The following PHRF1 variants were observed in gnomAD, a reference collection of about 807,000 sequenced individuals.
PHRF1 encodes PHD and ring finger domains 1.
A neutral mutation model predicts 128.9 loss-of-function variants in PHRF1; 53 were observed. The ratio of observed to expected loss-of-function variants is 0.41; its 90% CI spans 0.33 to 0.52. PHRF1 has a LOEUF of 0.52. Ranked by LOEUF, PHRF1 falls within the 20% of genes least tolerant of loss-of-function variation. The probability of loss-of-function intolerance (pLI) is 0.21; values close to 1 mark genes in which losing one functional copy is unlikely to be tolerated. For synonymous variants in PHRF1, 1,178 were observed against 980.6 expected, an observed-to-expected ratio of 1.20 and a Z score of -3.76; for missense variants, 2,503 against 2,284.5, an observed-to-expected ratio of 1.10 and a Z score of -1.95.
chr11:595,188 T>C (rs1386081981), intron 6 of PHRF1, among the ~76,000 whole-genome samples: 1 of 152,160 alleles, frequency 6.6e-6, no homozygotes, highest in Non-Finnish European at 1.5e-5. Flanking sequence ...CCGGGCGTGG[T>C]GGTTCACACC....
rs1384361969 is a variant in PHRF1 at position 606,971 on chromosome 11, G to A, written c.1610-95G>A. Reference sequence around the variant, plus strand: ...AGGCAGACAGGAGTTTAAAGCGCACGACCTCACAGAAAACCAGTTGTGATA... The same window carrying A: ...AGGCAGACAGGAGTTTAAAGCGCACAACCTCACAGAAAACCAGTTGTGATA... On this transcript the variant is annotated intron_variant, in intron 13 of 17. Coordinates refer to ENST00000264555, the MANE Select transcript of PHRF1 (RefSeq NM_001286581.2). 5.3e-6 allele frequency: 8 copies of A among 1,502,592 alleles called. No homozygotes were observed. The African/African-American group carries it at 5.6e-5, about 11-fold the overall frequency. 93.1% of individuals were successfully genotyped at this position (1,502,592 alleles called of 1,614,324 possible). A position where few individuals can be genotyped will look rare whatever the true frequency, so the allele number is the denominator to read the frequency against.
rs377699361 is a variant in PHRF1, at chr11:601,609, C to T, written c.1060C>T (p.Pro354Ser). 23 of 1,613,678 alleles carry T rather than the reference C, an allele frequency of 1.4e-5. No individual in the cohort carries two copies. The highest frequency in any genetic ancestry group is 1.9e-5 in the Non-Finnish European group (23 of 1,179,866). The change falls in exon 10 of 18, where the codon CCG (proline) becomes TCG (serine). Residue 354 changes from proline (P) to serine (S), a missense_variant. By Grantham distance (74) the Pro-to-Ser change is moderately conservative. Coordinates refer to ENST00000264555, the MANE Select transcript of PHRF1 (RefSeq NM_001286581.2). The part of the protein sequence containing the change: ...RKKVPGRKKT[P>S]SGPSAKSKSS... The stretch of plus-strand genomic sequence containing the variant: ...GAAAGTGCCGGGAAGAAAGAAAACC[C>T]CGTCCGGACCATCCGCAAAAAGTAA...
At chr11:603,734 T>TTG (rs1368841176) in intron 10 of PHRF1, among the ~76,000 whole-genome samples, 4 of 143,312 alleles carry the variant, frequency 2.8e-5, no homozygotes, top group African/African-American at 1.0e-4. Context: ...AGTTTGTTTT[T>TTG]TTTTTTTTTT....
chr11:577,163 G>T (rs1213821287), intron 1 of PHRF1, among the ~76,000 whole-genome samples: 1 of 152,160 alleles, frequency 6.6e-6, no homozygotes, highest in Non-Finnish European at 1.5e-5. Context: ...CTTAACTCTT[G>T]CAGTCCTCAC....
chr11:594,913 A>G (rs1256558407), intron 6 of PHRF1, among the ~76,000 whole-genome samples: 1 of 152,230 alleles, frequency 6.6e-6, no homozygotes, highest in African/African-American at 2.4e-5. Flanking sequence ...GCAAGTACAT[A>G]AAAACCCTGG....
intron 1 of PHRF1, among the ~76,000 whole-genome samples, chr11:579,354 C>T (rs114206266): frequency 0.034 from 5,229 of 152,154 alleles, 123 homozygotes; most frequent in South Asian, 0.091. Flanking sequence ...AGATATGTTT[C>T]TCCAGGGCAG....
chr11:611,583 C>G, intron 17 of PHRF1, 51 bp from the exon 18 acceptor site: 2 of 1,610,384 alleles, frequency 1.2e-6, no homozygotes, highest in Non-Finnish European at 1.7e-6. Context: ...GGCTCTGGCC[C>G]GGAACATCTG....
At chr11:600,100 C>T (rs1469901557) in intron 9 of PHRF1, among the ~76,000 whole-genome samples, 11 of 151,974 alleles carry the variant, frequency 7.2e-5, no homozygotes, top group African/African-American at 2.7e-4. Context: ...CTCGGCCTCC[C>T]AAAGTGCTGG....
chr11:592,534 G>A (rs949645378), intron 5 of PHRF1, 25 bp from the exon 6 acceptor site: 2 of 1,608,382 alleles, frequency 1.2e-6, no homozygotes, highest in East Asian at 2.2e-5. Context: ...GTCCTGTGTG[G>A]TGGTGACCGA....
At position 597,158 on chromosome 11, in the gene PHRF1, CGGG is replaced by C; in HGVS notation, c.718+139_718+141del. On this transcript the variant is annotated intron_variant, in intron 7 of 17. Transcript: ENST00000264555. This position sits in a 1 kb window ranked among gnomAD's most constrained non-coding sequence, Gnocchi z 6.5. ...TGGGGGTTAGGGTTGGCTGCGGTGT[CGGG>C]AGGACATCTAGGGCTGTCTCGGGCT... 1 of 1,018,000 alleles carries C rather than the reference CGGG, an allele frequency of 9.8e-7. No homozygotes were observed. Among genetic ancestry groups the C allele is most frequent in the Admixed American group, 2.3e-5 (1 of 43,176 alleles). The allele number at this position is 1,018,000 out of a possible 1,614,324, so 63.1% of individuals were successfully genotyped here.
chr11:596,840 C>T, intron 6 of PHRF1, 83 bp from the exon 7 acceptor site: 2 of 1,263,154 alleles, frequency 1.6e-6, no homozygotes, highest in South Asian at 1.2e-5. Context: ...CATCGGAGGC[C>T]TGCTTTGTGG....
At position 611,485 on chromosome 11, in the gene PHRF1, G is replaced by A. The variant is rs1047689331; in HGVS notation, c.4807-149G>A. The stretch of plus-strand genomic sequence containing the variant: ...AACAGGACGGGGGTCTCACATAGGT[G>A]GGGCGGCCTCTGCCGCCGTCTGTCT... On this transcript the variant is annotated intron_variant, in intron 17 of 17. Transcript: ENST00000264555. 5 of 1,090,952 alleles carry A rather than the reference G, an allele frequency of 4.6e-6. No homozygotes were observed. The Admixed American group carries it at 1.0e-4, about 23-fold the overall frequency. The allele number at this position is 1,090,952 out of a possible 1,614,324, so 67.6% of individuals were successfully genotyped here.
intron 1 of PHRF1, among the ~76,000 whole-genome samples, chr11:580,301 AAGG>A (rs1374692562): frequency 1.3e-5 from 2 of 152,166 alleles, no homozygotes; most frequent in Admixed American, 6.5e-5. Flanking sequence ...CCTGGTGTGG[AAGG>A]AGGAGCGTGT....
intron 2 of PHRF1, 91 bp downstream of exon 2, chr11:581,697 C>T (rs1854213349): frequency 4.0e-6 from 5 of 1,248,352 alleles, no homozygotes; most frequent in Non-Finnish European, 5.5e-6. Flanking sequence ...TGTCACTTGT[C>T]AACTTTCAGT....
Position 581,544 on chromosome 11 carries a change from C to T in PHRF1, c.32C>T (p.Ala11Val), listed in dbSNP as rs367751800. MDDDSLDELV[A>V]RSPGPDGHPQ... ...GACGACAGCCTGGATGAGCTTGTGG[C>T]CCGGAGCCCAGGGCCGGATGGACAC... The change falls in exon 2 of 18, where the codon GCC becomes GTC. Residue 11 changes from alanine to valine, a missense_variant. Transcript: ENST00000264555. 2 of 1,613,580 alleles carry T rather than the reference C, an allele frequency of 1.2e-6. No individual in the cohort carries two copies. The highest frequency in any genetic ancestry group is 1.7e-6 in the Non-Finnish European group (2 of 1,179,878).
chr11:601,428 CAAA>C lies in PHRF1; in HGVS notation c.1025-130_1025-128del, dbSNP rs59861558. On this transcript the variant is annotated intron_variant, in intron 9 of 17. Coordinates refer to ENST00000264555, the MANE Select transcript of PHRF1 (RefSeq NM_001286581.2). ...TGGGTGACAGGGCAAGATCCTGTCTCAAAAAAAAAAAAAAAAAATTGCAAGCCG... is the reference window on the plus strand; with the variant it reads ...TGGGTGACAGGGCAAGATCCTGTCTCAAAAAAAAAAAAAAATTGCAAGCCG... 8,596 of 863,052 alleles carry C rather than the reference CAAA, an allele frequency of 1.0e-2. 62 individuals carry two copies. Among genetic ancestry groups the C allele is most frequent in the African/African-American group, 0.069 (3,185 of 46,182 alleles). The allele number at this position is 863,052 out of a possible 1,614,324, so 53.5% of individuals were successfully genotyped here.
chr11:592,633 C>T lies in PHRF1; in HGVS notation c.579C>T (p.Asp193=), dbSNP rs778337531. The T allele has an allele frequency of 6.2e-6, 10 of 1,613,934 alleles. No individual in the cohort carries two copies. The East Asian group carries it at 2.2e-4, about 36-fold the overall frequency. Residue 193 remains aspartate (D), a synonymous_variant, in exon 6 of 18, where the codon GAC becomes GAT. Transcript: ENST00000264555. ...TCTGTGAGGTGTGCGGCAGGAGCGA[C>T]CGTGAGGACAGGCTTTTGCTCTGCG... ...PTFCEVCGRS[D]REDRLLLCDG...
Position 608,412 on chromosome 11 carries a change from G to A in PHRF1, c.2956G>A (p.Glu986Lys), listed in dbSNP as rs770366600. Residue 986 changes from glutamate (E) to lysine (K), a missense_variant, in exon 14 of 18, where the codon GAG becomes AAG. Transcript: ENST00000264555. ...VLQAATHRVV[E>K]LRPPSRSRST... ...GCAGGCTGCCACCCACAGAGTCGTG[G>A]AGCTCAGGCCCCCTTCCCGGTCCCG... 3.7e-6 allele frequency: 6 copies of A among 1,611,618 alleles called. No homozygotes were observed. The Admixed American group carries it at 1.0e-4, about 27-fold the overall frequency.
chr11:610,323 G>A lies in PHRF1; in HGVS notation c.4392G>A (p.Gly1464=). ...CCAGTCACGTGCTTCCGGAACCCGG[G>A]TTCCCAGACACAGACCCCTCTCAGG... ...PFPSHVLPEP[G]FPDTDPSQVY... The change falls in exon 15 of 18, where the codon GGG becomes GGA. Residue 1464 remains glycine, a synonymous_variant. Transcript: ENST00000264555. The A allele has an allele frequency of 6.4e-7, 1 of 1,566,780 alleles. No homozygotes were observed. Among genetic ancestry groups the A allele is most frequent in the East Asian group, 2.4e-5 (1 of 42,104 alleles).
Sources: gnomAD v4.1 joint callset for allele counts (sites outside exome capture counted in the v4.1 genomes callset) on GRCh38, gnomAD v4.1.1 for gene constraint, Gnocchi (gnomAD v3.1) non-coding constraint, MANE v1.5 for transcripts, NCBI Gene and HGNC (gene_info 2026-07-23, HGNC 2026-07-21) for gene names.